RNLS: variants seen among roughly 807,000 people sequenced by gnomAD.
RNLS encodes renalase.
A neutral mutation model predicts 39.8 loss-of-function variants in RNLS; 39 were observed. That is an observed-to-expected ratio of 0.98 (90% CI 0.76 to 1.28). RNLS has a LOEUF of 1.28. Ranked by LOEUF, RNLS falls within the 50% of genes most tolerant of loss-of-function variation. The probability of loss-of-function intolerance (pLI) is 0.00; values close to 1 mark genes in which losing one functional copy is unlikely to be tolerated. For missense variants in RNLS, 410 were observed against 413.3 expected (o/e 0.99, Z 0.07); for synonymous variants, 147 against 150.7 (o/e 0.98, Z 0.18).
chr10:88,452,119 G>C (rs1175160463), intron 4 of RNLS, among the ~76,000 whole-genome samples: 1 of 152,200 alleles, frequency 6.6e-6, no homozygotes, highest in East Asian at 1.9e-4. Context: ...CTTTAGAGTA[G>C]GTCTGAATCT....
intron 4 of RNLS, among the ~76,000 whole-genome samples, chr10:88,386,995 A>T (rs1851896460): frequency 6.6e-6 from 1 of 152,250 alleles, no homozygotes; most frequent in African/African-American, 2.4e-5. Context: ...TCTGAATAAA[A>T]AGTGATCTGT....
chr10:88,176,977 G>A, the RNLS span, among the ~76,000 whole-genome samples: 1 of 152,124 alleles, frequency 6.6e-6, no homozygotes, highest in Non-Finnish European at 1.5e-5. Context: ...CCTTATGTGT[G>A]ACTTGATGCT....
chr10:88,327,609 T>C (rs1316796868), intron 5 of RNLS, among the ~76,000 whole-genome samples: 1 of 152,234 alleles, frequency 6.6e-6, no homozygotes, highest in East Asian at 1.9e-4. Flanking sequence ...GGGAAGTTCA[T>C]TATAGCAGAG....
At chr10:88,301,139 A>G (rs1015804873) in intron 6 of RNLS, among the ~76,000 whole-genome samples, 1 of 152,182 alleles carries the variant, frequency 6.6e-6, no homozygotes, top group Non-Finnish European at 1.5e-5. Context: ...AGAGTATATG[A>G]GAAAAAAATG....
intron 4 of RNLS, among the ~76,000 whole-genome samples, chr10:88,365,555 ACG>A (rs1491146551): frequency 1.4e-5 from 2 of 145,248 alleles, no homozygotes; most frequent in Non-Finnish European, 3.0e-5. Context: ...ACACACACAC[ACG>A]TACGTATATG....
intron 4 of RNLS, among the ~76,000 whole-genome samples, chr10:88,443,229 C>T (rs1037187713): frequency 9.9e-5 from 15 of 152,102 alleles, no homozygotes; most frequent in Non-Finnish European, 2.2e-4. Flanking sequence ...TTTACATTTT[C>T]TACACTGCGG....
chr10:88,293,164 T>C lies in RNLS; in HGVS notation c.877-7658A>G, dbSNP rs183535587. Among the ~76,000 whole-genome samples the C allele has an allele frequency of 1.8e-3, 280 of 152,306 alleles. 2 individuals carry two copies. The highest frequency in any genetic ancestry group is 6.4e-3 in the African/African-American group (265 of 41,570). On this transcript the variant is annotated intron_variant, in intron 6 of 6. Transcript: ENST00000331772. ...ATGCTATTGTTTACTGGTTGCACAC[T>C]AACTTGACTGGGGAAAACTTTGAGT...
chr10:88,569,291 A>C (rs1210877584), intron 4 of RNLS, among the ~76,000 whole-genome samples: 1 of 149,838 alleles, frequency 6.7e-6, no homozygotes, highest in Non-Finnish European at 1.5e-5. Flanking sequence ...TTAACAGGAA[A>C]GTATTCCAAT....
At chr10:88,383,144 A>G (rs1421714858) in intron 4 of RNLS, among the ~76,000 whole-genome samples, 1 of 152,084 alleles carries the variant, frequency 6.6e-6, no homozygotes, top group Non-Finnish European at 1.5e-5. Context: ...TTAGTCCTGT[A>G]AAGTTTTGTT....
chr10:88,420,457 T>C (rs1441080495), intron 4 of RNLS, among the ~76,000 whole-genome samples: 2 of 152,238 alleles, frequency 1.3e-5, no homozygotes, highest in Admixed American at 1.3e-4. Context: ...CAAGGTGTTG[T>C]AGGGTCATAC....
chr10:88,471,475 G>A (rs1217892221), intron 4 of RNLS, among the ~76,000 whole-genome samples: 6 of 152,054 alleles, frequency 3.9e-5, no homozygotes, highest in Non-Finnish European at 8.8e-5. Context: ...CTACCTTTTG[G>A]GGAAGGCAAA....
chr10:88,337,184 G>C (rs76501009), intron 5 of RNLS, among the ~76,000 whole-genome samples: 1 of 152,246 alleles, frequency 6.6e-6, no homozygotes, highest in African/African-American at 2.4e-5. Context: ...TCTTCTGTCT[G>C]GTAATCTACA....
intron 3 of RNLS, among the ~76,000 whole-genome samples, chr10:88,576,846 G>A (rs1387950785): frequency 1.3e-5 from 2 of 152,134 alleles, no homozygotes; most frequent in Admixed American, 1.3e-4. Flanking sequence ...AATTTTGACA[G>A]GTTACTTTGC....
intron 4 of RNLS, among the ~76,000 whole-genome samples, chr10:88,481,615 TTAC>T (rs1327752585): frequency 6.6e-6 from 1 of 152,160 alleles, no homozygotes; most frequent in Non-Finnish European, 1.5e-5. Context: ...TCTTGCAGTA[TTAC>T]TGTCATATAA....
chr10:88,357,044 T>A (rs1178982669), intron 5 of RNLS, among the ~76,000 whole-genome samples: 1 of 152,218 alleles, frequency 6.6e-6, no homozygotes, highest in Non-Finnish European at 1.5e-5. Context: ...TTCACCTAAG[T>A]TAGACTTTTA....
intron 4 of RNLS, among the ~76,000 whole-genome samples, chr10:88,444,774 A>C (rs937585831): frequency 2.6e-5 from 4 of 152,202 alleles, no homozygotes; most frequent in Non-Finnish European, 4.4e-5. Context: ...TTAGAGAAAA[A>C]AGAGTAAATA....
intron 4 of RNLS, among the ~76,000 whole-genome samples, chr10:88,406,163 C>T (rs975103395): frequency 2.0e-5 from 3 of 152,174 alleles, no homozygotes; most frequent in African/African-American, 7.2e-5. Context: ...AAATTCTTTC[C>T]TTTGTCTTAA....
At chr10:88,453,104 A>C (rs982542075) in intron 4 of RNLS, among the ~76,000 whole-genome samples, 1 of 152,192 alleles carries the variant, frequency 6.6e-6, no homozygotes, top group African/African-American at 2.4e-5. Flanking sequence ...AGCTCATCTC[A>C]CTAATCCACC....
intron 4 of RNLS, among the ~76,000 whole-genome samples, chr10:88,450,793 T>G (rs1842318211): frequency 6.6e-6 from 1 of 152,258 alleles, no homozygotes; most frequent in Non-Finnish European, 1.5e-5. Context: ...TGGAGGTTTA[T>G]GTGCAAAGAT....
Sources: allele counts gnomAD v4.1 joint callset (sites outside exome capture counted in the v4.1 genomes callset), GRCh38; gene constraint gnomAD v4.1.1; transcripts MANE v1.5; gene names NCBI Gene and HGNC (gene_info 2026-07-23, HGNC 2026-07-21).